The following CNTN4 variants were observed in gnomAD, a reference collection of about 807,000 sequenced individuals.
CNTN4 encodes the protein contactin-4.
Under a neutral mutation model 122.5 loss-of-function variants are expected in CNTN4, and 77 were observed. The observed-to-expected ratio is 0.63, with a 90% CI of 0.52 to 0.76. The LOEUF is 0.76. CNTN4 is among the 30% of genes least tolerant of loss of function. The pLI, the probability that CNTN4 is intolerant of heterozygous loss-of-function variation, is 0.00. For missense variants in CNTN4, 1,256 were observed against 1,259.1 expected (o/e 1.00, Z 0.04); for synonymous variants, 512 against 447.0 (o/e 1.15, Z -1.83).
At chr3:2,685,121 C>G (rs1046251608) in intron 4 of CNTN4, among the ~76,000 whole-genome samples, 4 of 152,102 alleles carry the variant, frequency 2.6e-5, no homozygotes, top group Non-Finnish European at 4.4e-5. Flanking sequence ...TTCCTTGTGT[C>G]TACATTAGCT....
At chr3:3,039,170 G>A (rs1699909690) in intron 19 of CNTN4, 167 bp downstream of exon 19, 2 of 653,358 alleles carry the variant, frequency 3.1e-6, no homozygotes, top group Non-Finnish European at 5.5e-6. Context: ...AGGAAGGACG[G>A]CACTTGCCCA....
At chr3:2,168,107 T>G (rs899141856) in intron 2 of CNTN4, among the ~76,000 whole-genome samples, 1 of 152,206 alleles carries the variant, frequency 6.6e-6, no homozygotes, top group Non-Finnish European at 1.5e-5. Flanking sequence ...CACCCCACTC[T>G]GACCTGGGTG....
In CNTN4 at chr3:2,289,143, A is replaced by T. The variant is rs115429187; in HGVS notation, c.-144-50035A>T. The stretch of plus-strand genomic sequence containing the variant: ...AGTTTTAAACAGCTTCCCAATGCCT[A>T]TCATACATTCGCTTTAGAAATATTT... On this transcript the variant is annotated intron_variant, in intron 2 of 24. Transcript: ENST00000418658. 4.6e-3 allele frequency among the ~76,000 whole-genome samples: 698 copies of T among 152,330 alleles called. 5 individuals carry two copies. The highest frequency in any genetic ancestry group is 0.016 in the African/African-American group (670 of 41,580).
chr3:2,779,565 G>A (rs2091485625), intron 6 of CNTN4, among the ~76,000 whole-genome samples: 1 of 152,158 alleles, frequency 6.6e-6, no homozygotes, highest in South Asian at 2.1e-4. Flanking sequence ...TTGAAGAGTA[G>A]AAACTTTGGA....
rs375250470 is a variant in CNTN4, at chr3:3,026,193, G to A, written c.1578G>A (p.Ser526=). The stretch of plus-strand genomic sequence containing the variant: ...CGTGCCAGGTAACGCATGATCACTC[G>A]CTAGACATCGTGTTTACTTGGTCAT... ...VLPCQVTHDH[S]LDIVFTWSFN... is the part of the protein sequence containing the mutation. Residue 526 remains serine, a synonymous_variant, in exon 15 of 25, where the codon TCG becomes TCA. Coordinates refer to ENST00000418658, the MANE Select transcript of CNTN4 (RefSeq NM_175607.3). 58 of 1,613,250 alleles carry A rather than the reference G, an allele frequency of 3.6e-5. No homozygotes were observed. Among genetic ancestry groups the A allele is most frequent in the African/African-American group, 8.0e-5 (6 of 74,862 alleles).
At chr3:2,736,089 C>T in intron 4 of CNTN4, 126 bp from the exon 5 acceptor site, 1 of 956,596 alleles carries the variant, frequency 1.0e-6, no homozygotes, top group South Asian at 1.3e-5. Context: ...AGCTGAAACA[C>T]AGCCTGTTGT....
rs2041844004 is a variant in CNTN4, at chr3:2,284,792, T to TA, written c.-144-54379dup. Among the ~76,000 whole-genome samples the TA allele has an allele frequency of 4.0e-5, 6 of 151,812 alleles. No individual in the cohort carries two copies. The South Asian group carries it at 1.0e-3, about 26-fold the overall frequency. The stretch of plus-strand genomic sequence containing the variant: ...ATGAGGTGAGTAGACTAAGAGTCAT[T>TA]AAAAAAATCTTGAGGAAGATTTTTA... On this transcript the variant is annotated intron_variant, in intron 2 of 24. Coordinates refer to ENST00000418658, the MANE Select transcript of CNTN4 (RefSeq NM_175607.3).
At chr3:2,128,770 T>C (rs561193338) in intron 2 of CNTN4, among the ~76,000 whole-genome samples, 1 of 152,342 alleles carries the variant, frequency 6.6e-6, no homozygotes, top group South Asian at 2.1e-4. Context: ...GCTTTGCATT[T>C]GCACAGGGGT....
Position 2,420,023 on chromosome 3 carries a change from C to G in CNTN4, c.-89+80790C>G, listed in dbSNP as rs1408161545. Among the ~76,000 whole-genome samples, 4 of 152,274 alleles carry G rather than the reference C, an allele frequency of 2.6e-5. No homozygotes were observed. In the East Asian group the frequency reaches 7.7e-4, roughly 29 times the overall value. Reference sequence around the variant, plus strand: ...GGCAACATGACATCTGGAAGACAGTCTGGCATGTAGAGTCAGGGAATTTGC... The same window carrying G: ...GGCAACATGACATCTGGAAGACAGTGTGGCATGTAGAGTCAGGGAATTTGC... On this transcript the variant is annotated intron_variant, in intron 3 of 24. Coordinates refer to ENST00000418658, the MANE Select transcript of CNTN4 (RefSeq NM_175607.3).
chr3:2,353,115 G>C (rs1490720743), intron 3 of CNTN4, among the ~76,000 whole-genome samples: 1 of 152,128 alleles, frequency 6.6e-6, no homozygotes, highest in Non-Finnish European at 1.5e-5. Flanking sequence ...CCGGAGGATT[G>C]TATATGTACC....
chr3:2,254,700 G>A (rs1304167990), intron 2 of CNTN4, among the ~76,000 whole-genome samples: 3 of 152,142 alleles, frequency 2.0e-5, no homozygotes, highest in Non-Finnish European at 4.4e-5. Flanking sequence ...TTTGAGAAGT[G>A]TCTGTTCATA....
intron 2 of CNTN4, among the ~76,000 whole-genome samples, chr3:2,287,043 G>C (rs1356219157): frequency 6.6e-6 from 1 of 152,080 alleles, no homozygotes; most frequent in Non-Finnish European, 1.5e-5. Context: ...AAATGTTCAG[G>C]GCACATTGTC....
intron 7 of CNTN4, among the ~76,000 whole-genome samples, chr3:2,832,112 A>T (rs1324837132): frequency 6.6e-6 from 1 of 152,208 alleles, no homozygotes; most frequent in East Asian, 1.9e-4. Context: ...TCTGCAAGCC[A>T]GCACTCCTTC....
At chr3:2,369,780 T>TA (rs1000092157) in intron 3 of CNTN4, among the ~76,000 whole-genome samples, 6 of 151,884 alleles carry the variant, frequency 4.0e-5, no homozygotes, top group South Asian at 2.1e-4. Flanking sequence ...GTCAGAAAGT[T>TA]AAAAAAAATA....
At chr3:2,880,669 G>T (rs538763632) in intron 8 of CNTN4, among the ~76,000 whole-genome samples, 1 of 152,338 alleles carries the variant, frequency 6.6e-6, no homozygotes, top group East Asian at 1.9e-4. Flanking sequence ...AACCGAACAT[G>T]TCAAGCATGA....
intron 7 of CNTN4, among the ~76,000 whole-genome samples, chr3:2,833,716 T>G (rs1446040780): frequency 6.6e-6 from 1 of 152,180 alleles, no homozygotes; most frequent in African/African-American, 2.4e-5. Context: ...AGAGATATAT[T>G]CAAAGGATTT....
chr3:2,584,890 G>A (rs993971171), intron 4 of CNTN4, among the ~76,000 whole-genome samples: 9 of 151,540 alleles, frequency 5.9e-5, no homozygotes, highest in African/African-American at 2.2e-4. Flanking sequence ...AGGTAGATAC[G>A]AAGTAGGAAG....
chr3:2,839,545 T>C (rs1559563071), intron 7 of CNTN4, among the ~76,000 whole-genome samples: 2 of 152,196 alleles, frequency 1.3e-5, no homozygotes, highest in African/African-American at 2.4e-5. Context: ...CAAGTTACTG[T>C]AGAAATAACT....
chr3:2,217,580 G>A (rs1296496237), intron 2 of CNTN4, among the ~76,000 whole-genome samples: 1 of 152,134 alleles, frequency 6.6e-6, no homozygotes, highest in Non-Finnish European at 1.5e-5. Context: ...CTCCATAGAT[G>A]TGACTAATAT....
Sources: gnomAD v4.1 joint callset for allele counts (sites outside exome capture counted in the v4.1 genomes callset) on GRCh38, gnomAD v4.1.1 for gene constraint, MANE v1.5 for transcripts, NCBI Gene and HGNC (gene_info 2026-07-23, HGNC 2026-07-21) for gene names.